Variants in SSRP1 observed in about 807,000 individuals in gnomAD.
SSRP1 encodes the protein structure specific recognition protein 1.
Under a neutral mutation model 84.4 loss-of-function variants are expected in SSRP1, and 21 were observed. The ratio of observed to expected loss-of-function variants is 0.25; its 90% confidence interval spans 0.18 to 0.36. The LOEUF is 0.36. Among genes scored for constraint, SSRP1 ranks in the 10% least tolerant of loss-of-function variants. The probability of loss-of-function intolerance (pLI) is 1.00; values close to 1 mark genes in which losing one functional copy is unlikely to be tolerated. For missense variants in SSRP1, 519 were observed against 900.8 expected (o/e 0.58, Z 5.43); for synonymous variants, 319 against 318.3 (o/e 1.00, Z -0.02).
At chr11:57,333,707 T>C (rs972758387) in intron 3 of SSRP1, among the ~76,000 whole-genome samples, 167 bp from the exon 4 acceptor site, 1 of 152,242 alleles carries the variant, frequency 6.6e-6, no homozygotes, top group Non-Finnish European at 1.5e-5. Flanking sequence ...TGAAAGAGAT[T>C]GCTTCTAGCC....
intron 3 of SSRP1, 68 bp from the exon 4 acceptor site, chr11:57,333,608 C>A: frequency 8.8e-7 from 1 of 1,135,116 alleles, no homozygotes; most frequent in South Asian, 1.3e-5. Flanking sequence ...CTTGAATGTC[C>A]TGGGATTATC....
chr11:57,329,965 C>T, intron 12 of SSRP1, 128 bp downstream of exon 12: 1 of 1,136,652 alleles, frequency 8.8e-7, no homozygotes, highest in Non-Finnish European at 1.3e-6. Flanking sequence ...TATATCACCT[C>T]ATTGGAGGTC....
At chr11:57,328,602 T>A (rs1195375870) in intron 12 of SSRP1, 176 bp from the exon 13 acceptor site, 1 of 875,868 alleles carries the variant, frequency 1.1e-6, no homozygotes, top group Non-Finnish European at 1.7e-6. Flanking sequence ...CTGTGGTGGC[T>A]TCAGCCATGC....
chr11:57,331,203 G>GT (rs924722977), intron 9 of SSRP1, among the ~76,000 whole-genome samples: 2 of 152,208 alleles, frequency 1.3e-5, no homozygotes, highest in African/African-American at 4.8e-5. Context: ...TCAGAGGGGA[G>GT]TAAGTGTGGG....
rs1371870223 is a variant in SSRP1, at chr11:57,328,473, C to A, written c.1482-47G>T. ...TTAGACTTGAGGAGGGAAGACAGGA[C>A]CCCACGGCCTCAGGACAGGAGGAAG... On this transcript the variant is annotated intron_variant, in intron 12 of 16. Transcript: ENST00000278412. 5 of 1,609,950 alleles carry A rather than the reference C, an allele frequency of 3.1e-6. No individual in the cohort carries two copies. The Admixed American group carries it at 5.0e-5, about 16-fold the overall frequency.
At chr11:57,329,948 A>G (rs752860988) in intron 12 of SSRP1, 145 bp downstream of exon 12, 101 of 1,013,410 alleles carry the variant, frequency 1.0e-4, no homozygotes, top group Non-Finnish European at 1.4e-4. Flanking sequence ...TTTCCAAAAC[A>G]TTTTCGTATA....
At position 57,334,589 on chromosome 11, in the gene SSRP1, G is replaced by A; in HGVS notation, c.114C>T (p.Gly38=). Residue 38 remains glycine, a synonymous_variant, in exon 3 of 17, where the codon GGC becomes GGT. Transcript: ENST00000278412. ...CCCCAGCCTGGATGTTGTCCACTTT[G>A]CCTGTCTTGCTATTCTTGAAGATGA... ...QGIIFKNSKT[G]KVDNIQAGEL... is the part of the protein sequence containing the mutation. 2 of 1,614,146 alleles carry A rather than the reference G, an allele frequency of 1.2e-6. No individual in the cohort carries two copies. The highest frequency in any genetic ancestry group is 1.1e-5 in the South Asian group (1 of 91,090).
Position 57,335,134 on chromosome 11 carries a change from C to G in SSRP1, c.-13G>C, listed in dbSNP as rs1856185756. 1.2e-6 allele frequency: 2 copies of G among 1,614,070 alleles called. No homozygotes were observed. The highest frequency in any genetic ancestry group is 1.7e-6 in the Non-Finnish European group (2 of 1,179,962). ...GTGTCTCTGCCATGTCGACCCCTGC[C>G]TGTGGTGGCCTGGGCAGAGCCCCAG... On this transcript the variant is annotated 5_prime_UTR_variant, in exon 2 of 17. Transcript: ENST00000278412. The surrounding 1 kb of genome is among the most constrained non-coding windows in gnomAD (Gnocchi z 4.6).
chr11:57,333,086 G>C lies in SSRP1; in HGVS notation c.410C>G (p.Ser137Cys), dbSNP rs944302065. Residue 137 changes from serine (S) to cysteine (C), a missense_variant, in exon 5 of 17, where the codon TCC becomes TGC. Physicochemically the swap from Ser to Cys is moderately radical, Grantham distance 112. Transcript: ENST00000278412. Reference sequence around the variant, plus strand: ...CTCATTCTTGCCTGTGGTGCACTGGGACACATTGCTGAGGGGTATCTCAAA... The same window carrying C: ...CTCATTCTTGCCTGTGGTGCACTGGCACACATTGCTGAGGGGTATCTCAAA... ...PVFEIPLSNV[S>C]QCTTGKNEVT... 1 of 1,614,124 alleles carries C rather than the reference G, an allele frequency of 6.2e-7. No individual in the cohort carries two copies. Among genetic ancestry groups the C allele is most frequent in the African/African-American group, 1.3e-5 (1 of 75,044 alleles).
chr11:57,331,231 C>CT (rs1048337046), intron 9 of SSRP1, among the ~76,000 whole-genome samples: 1 of 152,100 alleles, frequency 6.6e-6, no homozygotes, highest in Non-Finnish European at 1.5e-5. Context: ...ACGTGGTCAT[C>CT]TTTTTTCATA....
chr11:57,333,594 C>G, intron 3 of SSRP1, 54 bp from the exon 4 acceptor site: 4 of 1,289,498 alleles, frequency 3.1e-6, no homozygotes, highest in Non-Finnish European at 4.5e-6. Flanking sequence ...GGCCTTAACA[C>G]CGACTTGAAT....
rs1019892265 is a variant in SSRP1, at chr11:57,333,595, C to T, written c.241-55G>A. The T allele has an allele frequency of 1.7e-5, 21 of 1,252,440 alleles. No homozygotes were observed. The African/African-American group carries it at 2.5e-4, about 15-fold the overall frequency. The allele number at this position is 1,252,440 out of a possible 1,614,324, so 77.6% of individuals were successfully genotyped here. On this transcript the variant is annotated intron_variant, in intron 3 of 16. Transcript: ENST00000278412. ...CAGTAAACCTTGGTGGCCTTAACAC[C>T]GACTTGAATGTCCTGGGATTATCTA...
Position 57,332,382 on chromosome 11 carries a change from C to T in SSRP1, c.872+1G>A. 6.2e-7 allele frequency: 1 copy of T among 1,614,138 alleles called. No homozygotes were observed. Among genetic ancestry groups the T allele is most frequent in the Non-Finnish European group, 8.5e-7 (1 of 1,180,022 alleles). On this transcript the variant is annotated splice_donor_variant, in intron 7 of 16. Transcript: ENST00000278412. LOFTEE classifies it high-confidence loss of function. The surrounding 1 kb of genome is among the most constrained non-coding windows in gnomAD (Gnocchi z 5.5). ...GGAAACGAGTCCAGGGAGACACTCA[C>T]TCGTTCATGTTCAGAGTCAACGAAA...
chr11:57,334,448 C>T lies in SSRP1; in HGVS notation c.240+15G>A, dbSNP rs969589579. On this transcript the variant is annotated intron_variant, in intron 3 of 16. Transcript: ENST00000278412. Reference sequence around the variant, plus strand: ...ATGCAGTAAAAAGGAGGCTTATAGCCATGGGACATCTCACCGATTCTCGGA... The same window carrying T: ...ATGCAGTAAAAAGGAGGCTTATAGCTATGGGACATCTCACCGATTCTCGGA... The T allele has an allele frequency of 6.2e-7, 1 of 1,612,754 alleles. No homozygotes were observed. Among genetic ancestry groups the T allele is most frequent in the East Asian group, 2.2e-5 (1 of 44,862 alleles).
chr11:57,328,332 C>A lies in SSRP1; in HGVS notation c.1576G>T (p.Ala526Ser). ...KRKQLKKAKM[A>S]KDRKSRKKPV... ...TTCTTGCGGCTCTTGCGGTCCTTGG[C>A]CATCTTGGCCTTTTTGAGCTGTTTC... Residue 526 changes from alanine to serine, a missense_variant, in exon 13 of 17, where the codon GCC becomes TCC. Ala to Ser is a moderately conservative substitution (Grantham distance 99). Coordinates refer to ENST00000278412, the MANE Select transcript of SSRP1 (RefSeq NM_003146.3). The A allele has an allele frequency of 6.2e-7, 1 of 1,614,180 alleles. No homozygotes were observed. Among genetic ancestry groups the A allele is most frequent in the Non-Finnish European group, 8.5e-7 (1 of 1,180,022 alleles).
chr11:57,330,661 AG>A lies in SSRP1; in HGVS notation c.1296+193del. The A allele has an allele frequency of 6.9e-7, 1 of 1,448,236 alleles. No individual in the cohort carries two copies. The highest frequency in any genetic ancestry group is 9.0e-7 in the Non-Finnish European group (1 of 1,107,212). 89.7% of individuals were successfully genotyped at this position (1,448,236 alleles called of 1,614,324 possible). A position where few individuals can be genotyped will look rare whatever the true frequency, so the allele number is the denominator to read the frequency against. On this transcript the variant is annotated intron_variant, in intron 10 of 16. Coordinates refer to ENST00000278412, the MANE Select transcript of SSRP1 (RefSeq NM_003146.3). This position sits in a 1 kb window ranked among gnomAD's most constrained non-coding sequence, Gnocchi z 4.0. ...CTCCCAGCCCCACTGGGGGCTCCTGAGGGGCTGCATAGACTGGTCTAAGGTC... is the reference window on the plus strand; with the variant it reads ...CTCCCAGCCCCACTGGGGGCTCCTGAGGGCTGCATAGACTGGTCTAAGGTC...
In SSRP1 at chr11:57,326,693, C is replaced by G. The variant is rs368784031; in HGVS notation, c.2058+10G>C. 1 of 1,611,530 alleles carries G rather than the reference C, an allele frequency of 6.2e-7. No homozygotes were observed. Among genetic ancestry groups the G allele is most frequent in the South Asian group, 1.1e-5 (1 of 90,788 alleles). On this transcript the variant is annotated intron_variant, in intron 16 of 16. Transcript: ENST00000278412. ...CTGCCCAGCCCACAGGCCCCACATTCCTGCCGCACCTCGCTCCTCCTCCTC... is the reference window on the plus strand; with the variant it reads ...CTGCCCAGCCCACAGGCCCCACATTGCTGCCGCACCTCGCTCCTCCTCCTC...
At chr11:57,333,326 T>C in intron 4 of SSRP1, 109 bp downstream of exon 4, 2 of 1,179,200 alleles carry the variant, frequency 1.7e-6, no homozygotes, top group Non-Finnish European at 2.5e-6. Flanking sequence ...AACATGCAAA[T>C]AGATAGGAAA....
chr11:57,333,349 G>A, intron 4 of SSRP1, 86 bp downstream of exon 4: 1 of 1,268,994 alleles, frequency 7.9e-7, no homozygotes, highest in Non-Finnish European at 1.1e-6. Flanking sequence ...AGAGACAGTG[G>A]CAGAGGGAAA....
Sources: allele counts gnomAD v4.1 joint callset (sites outside exome capture counted in the v4.1 genomes callset), GRCh38; gene constraint gnomAD v4.1.1; non-coding constraint Gnocchi (gnomAD v3.1); transcripts MANE v1.5; gene names NCBI Gene and HGNC (gene_info 2026-07-23, HGNC 2026-07-21).